Variants in LAMA2 observed in about 807,000 individuals in gnomAD.
The protein encoded by LAMA2 is laminin subunit alpha 2, also known as laminin subunit alpha-2.
Under a neutral mutation model 364.8 loss-of-function variants are expected in LAMA2, and 269 were observed. The observed-to-expected ratio is 0.74, with a 90% CI of 0.67 to 0.82. The LOEUF is 0.82. LAMA2 is among the 40% of genes least tolerant of loss of function. LAMA2 has a pLI of 0.00. For synonymous variants in LAMA2, 1,379 were observed against 1,370.6 expected, an observed-to-expected ratio of 1.01 and a Z score of -0.14; for missense variants, 3,807 against 3,873.2, an observed-to-expected ratio of 0.98 and a Z score of 0.45.
At chr6:129,023,750 C>T (rs1305527440) in intron 1 of LAMA2, among the ~76,000 whole-genome samples, 3 of 152,164 alleles carry the variant, frequency 2.0e-5, no homozygotes, top group African/African-American at 7.2e-5. Context: ...TGTTCTTAGT[C>T]TTGCCATCCC....
intron 22 of LAMA2, among the ~76,000 whole-genome samples, chr6:129,312,430 T>C (rs1400588964): frequency 2.0e-5 from 3 of 152,218 alleles, no homozygotes; most frequent in African/African-American, 7.2e-5. Flanking sequence ...TCTATCATGT[T>C]ATGCTAACAT....
chr6:128,924,219 C>A (rs770156955), intron 1 of LAMA2, among the ~76,000 whole-genome samples: 1 of 152,144 alleles, frequency 6.6e-6, no homozygotes, highest in East Asian at 1.9e-4. Flanking sequence ...TATACACACA[C>A]ACACATATGT....
intron 2 of LAMA2, among the ~76,000 whole-genome samples, chr6:129,054,369 A>G (rs1788318576): frequency 6.6e-6 from 1 of 152,196 alleles, no homozygotes; most frequent in Admixed American, 6.5e-5. Flanking sequence ...AAATGAATTG[A>G]TGGATTATTA....
intron 40 of LAMA2, among the ~76,000 whole-genome samples, chr6:129,411,833 A>G (rs6569600): frequency 0.5 from 76,171 of 151,922 alleles, 19,590 homozygotes; most frequent in African/African-American, 0.62. Flanking sequence ...AAAAAGATAG[A>G]AAATGTGTAC....
At chr6:129,239,506 T>A (rs1012950427) in intron 12 of LAMA2, among the ~76,000 whole-genome samples, 3 of 152,172 alleles carry the variant, frequency 2.0e-5, no homozygotes, top group Non-Finnish European at 4.4e-5. Context: ...CCACTGTTAA[T>A]AAACTGGCAT....
At chr6:129,033,257 CT>C (rs1162956296) in intron 1 of LAMA2, among the ~76,000 whole-genome samples, 3 of 151,536 alleles carry the variant, frequency 2.0e-5, no homozygotes, top group African/African-American at 7.3e-5. Flanking sequence ...ATGAATGTGA[CT>C]TTTCTGTTTC....
chr6:129,112,566 T>A (rs137906122), intron 4 of LAMA2, among the ~76,000 whole-genome samples: 684 of 152,082 alleles, frequency 4.5e-3, no homozygotes, highest in Middle Eastern at 0.014. Context: ...ATTTAGCTAT[T>A]TTTTTCAATA....
At chr6:129,256,755 T>G in intron 14 of LAMA2, among the ~76,000 whole-genome samples, 1 of 85,498 alleles carries the variant, frequency 1.2e-5, no homozygotes, top group Non-Finnish European at 2.3e-5. Flanking sequence ...AAAAAACAAA[T>G]TATATAGCAT....
In LAMA2 at chr6:129,439,825, C is replaced by CATATATATAT. The variant is rs5879948; in HGVS notation, c.6086-976_6086-967dup. On this transcript the variant is annotated intron_variant, in intron 42 of 64. Transcript: ENST00000421865. ...GCTTCATTTGCTTGCATCAATTGGT[C>CATATATATAT]ATATATATATATATATATATATATC... 1.0e-2 allele frequency among the ~76,000 whole-genome samples: 1,232 copies of CATATATATAT among 123,240 alleles called. 6 individuals are homozygous for CATATATATAT. The highest frequency in any genetic ancestry group is 0.015 in the African/African-American group (415 of 27,802). The allele number at this position is 123,240 out of a possible 152,430, so 80.9% of individuals were successfully genotyped here.
chr6:129,013,260 C>G (rs1006580334), intron 1 of LAMA2, among the ~76,000 whole-genome samples: 2 of 152,000 alleles, frequency 1.3e-5, no homozygotes, highest in African/African-American at 2.4e-5. Flanking sequence ...ACGGTGAAAC[C>G]CCGTCTCTAC....
chr6:128,955,072 G>A (rs1781060939), intron 1 of LAMA2, among the ~76,000 whole-genome samples: 1 of 151,270 alleles, frequency 6.6e-6, no homozygotes, highest in African/African-American at 2.4e-5. Context: ...TTTATCCATA[G>A]TAGTAAGTAC....
At chr6:129,062,462 T>C (rs937964164) in intron 3 of LAMA2, among the ~76,000 whole-genome samples, 1 of 152,098 alleles carries the variant, frequency 6.6e-6, no homozygotes, top group African/African-American at 2.4e-5. Flanking sequence ...GCTCCAAATG[T>C]AGTTCAGGTT....
chr6:129,192,834 C>A lies in LAMA2; in HGVS notation c.1763C>A (p.Ala588Asp). ...LPHSYYWSAP[A>D]PYLGNKLPAV... ...CACAGCTACTACTGGAGCGCGCCGG[C>A]TCCCTATCTGGGAAACAAAGTAAGT... Residue 588 changes from alanine (A) to aspartate (D), a missense_variant, in exon 12 of 65, where the codon GCT becomes GAT. By Grantham distance (126) the Ala-to-Asp change is moderately radical. Around this residue, in one of 3 missense-constraint regions of LAMA2, gnomAD observed 3,333 missense variants for 3,345.7 expected, o/e 1.00. Coordinates refer to ENST00000421865, the MANE Select transcript of LAMA2 (RefSeq NM_000426.4). The A allele has an allele frequency of 6.2e-7, 1 of 1,614,038 alleles. No individual in the cohort carries two copies. The highest frequency in any genetic ancestry group is 8.5e-7 in the Non-Finnish European group (1 of 1,179,938).
intron 4 of LAMA2, among the ~76,000 whole-genome samples, chr6:129,107,724 A>G (rs1212129872): frequency 1.3e-5 from 2 of 152,184 alleles, no homozygotes; most frequent in Non-Finnish European, 2.9e-5. Flanking sequence ...TACTTGTCGC[A>G]TTTTACAGTT....
intron 29 of LAMA2, among the ~76,000 whole-genome samples, chr6:129,335,656 A>T (rs1179661773): frequency 6.6e-6 from 1 of 152,190 alleles, no homozygotes; most frequent in Non-Finnish European, 1.5e-5. Context: ...CAGTAAATAG[A>T]CAGATTTGTA....
intron 4 of LAMA2, among the ~76,000 whole-genome samples, chr6:129,128,762 T>G (rs1777269146): frequency 6.6e-6 from 1 of 152,228 alleles, no homozygotes; most frequent in East Asian, 1.9e-4. Flanking sequence ...TTTATAGCTA[T>G]TGTAAATGGG....
chr6:129,343,821 GA>G (rs1167606877), intron 30 of LAMA2, among the ~76,000 whole-genome samples: 5 of 152,016 alleles, frequency 3.3e-5, no homozygotes, highest in Non-Finnish European at 7.4e-5. Context: ...GAAGCTTCAA[GA>G]ACATATGAAA....
In LAMA2 at chr6:129,430,664, T is replaced by G. The variant is rs534274495; in HGVS notation, c.5968+2810T>G. On this transcript the variant is annotated intron_variant, in intron 41 of 64. Coordinates refer to ENST00000421865, the MANE Select transcript of LAMA2 (RefSeq NM_000426.4). ...AGGTGAATGAACACTGCTTTGCAGA[T>G]AGACAAGAAATTTTTTAAGGCCGGG... 2.6e-3 allele frequency among the ~76,000 whole-genome samples: 393 copies of G among 152,162 alleles called. 1 individual carries two copies. The highest frequency in any genetic ancestry group is 6.3e-3 in the Admixed American group (97 of 15,278).
chr6:129,227,709 T>C (rs571355727), intron 12 of LAMA2, among the ~76,000 whole-genome samples: 1 of 152,246 alleles, frequency 6.6e-6, no homozygotes, highest in Admixed American at 6.5e-5. Flanking sequence ...AGAGGGGTAC[T>C]CGGCCGTGTG....
Sources: allele counts gnomAD v4.1 joint callset (sites outside exome capture counted in the v4.1 genomes callset), GRCh38; gene constraint gnomAD v4.1.1; regional missense constraint gnomAD v4.1.1; transcripts MANE v1.5; gene names NCBI Gene and HGNC (gene_info 2026-07-23, HGNC 2026-07-21).